The following METTL14 variants were observed in gnomAD, a reference collection of about 807,000 sequenced individuals.
The protein encoded by METTL14 is N(6)-adenosine-methyltransferase non-catalytic subunit METTL14.
Under a neutral mutation model 62.4 loss-of-function variants are expected in METTL14, and 32 were observed. The observed-to-expected ratio is 0.51, with a 90% confidence interval of 0.39 to 0.69. METTL14 has a LOEUF of 0.69. Among genes scored for constraint, METTL14 ranks in the 30% least tolerant of loss-of-function variants. METTL14 has a pLI of 0.00. For synonymous variants in METTL14, 150 were observed against 180.0 expected (o/e 0.83, Z 1.34); for missense variants, 340 against 551.9 (o/e 0.62, Z 3.85).
chr4:118,705,728 G>T lies in METTL14; in HGVS notation c.973G>T (p.Glu325Ter), dbSNP rs771830447. Residue 325 changes from glutamate (E) to a stop codon, truncating the protein, a stop_gained, in exon 10 of 11, where the codon GAA (glutamate) becomes TAA (stop). Transcript: ENST00000388822. LOFTEE classifies it high-confidence loss of function. The stretch of plus-strand genomic sequence containing the variant: ...AGAAGAACCTGAAATTGGCAATATA[G>T]AAAAACCTGTAGAAATTTTTCATAT... ...ITEEPEIGNI[E>*]KPVEIFHIIE... 6.2e-7 allele frequency: 1 copy of T among 1,614,014 alleles called. No homozygotes were observed. Among genetic ancestry groups the T allele is most frequent in the Non-Finnish European group, 8.5e-7 (1 of 1,179,964 alleles).
At position 118,714,222 on chromosome 4, in the gene METTL14, C is replaced by T. The variant is rs1410653552; in HGVS notation, c.*3920C>T. 1 of 152,204 alleles carries T rather than the reference C, an allele frequency of 6.6e-6. No individual in the cohort carries two copies. Among genetic ancestry groups the T allele is most frequent in the African/African-American group, 2.4e-5 (1 of 41,460 alleles). 9.4% of individuals were successfully genotyped at this position (152,204 alleles called of 1,614,324 possible). On this transcript the variant is annotated 3_prime_UTR_variant, in exon 11 of 11. Coordinates refer to ENST00000388822, the MANE Select transcript of METTL14 (RefSeq NM_020961.4). Reference sequence around the variant, plus strand: ...TTAACGACATGGAAATATTTTCACTCATTTACTTTCATCCATCTATCTGTG... The same window carrying T: ...TTAACGACATGGAAATATTTTCACTTATTTACTTTCATCCATCTATCTGTG...
intron 8 of METTL14, among the ~76,000 whole-genome samples, chr4:118,702,941 A>ATTATTATTT (rs1724643606): frequency 9.6e-6 from 1 of 103,792 alleles, no homozygotes; most frequent in Non-Finnish European, 2.3e-5. Flanking sequence ...GGAAGGTTTT[A>ATTATTATTT]TTATTATTAT....
chr4:118,694,187 AAT>A (rs1425091781), intron 5 of METTL14, among the ~76,000 whole-genome samples: 1 of 151,778 alleles, frequency 6.6e-6, no homozygotes, highest in Admixed American at 6.6e-5. Flanking sequence ...TAACTTAATA[AAT>A]ATGTGATATT....
chr4:118,705,506 TC>T, intron 9 of METTL14, 104 bp from the exon 10 acceptor site: 1 of 927,476 alleles, frequency 1.1e-6, no homozygotes, highest in Non-Finnish European at 1.7e-6. Context: ...TCCCAAAGAT[TC>T]CGAGAAATGA....
chr4:118,696,190 T>C (rs1421625381), intron 6 of METTL14, among the ~76,000 whole-genome samples: 2 of 150,114 alleles, frequency 1.3e-5, no homozygotes, highest in Non-Finnish European at 3.0e-5. Flanking sequence ...TGTTTTAGTA[T>C]GTGGAGAGGA....
intron 1 of METTL14, among the ~76,000 whole-genome samples, chr4:118,685,885 C>T (rs530486891): frequency 3.3e-5 from 5 of 152,208 alleles, no homozygotes; most frequent in Non-Finnish European, 7.4e-5. Flanking sequence ...ATGTTCACGC[C>T]AGGATGAGTG....
At chr4:118,705,867 C>G (rs1376682332) in intron 10 of METTL14, 46 bp downstream of exon 10, 1 of 1,421,774 alleles carries the variant, frequency 7.0e-7, no homozygotes, top group Non-Finnish European at 9.9e-7. Flanking sequence ...TTGGGTTATG[C>G]ATGTCAAGAA....
At chr4:118,697,917 G>A (rs1159405301) in intron 7 of METTL14, among the ~76,000 whole-genome samples, 3 of 151,846 alleles carry the variant, frequency 2.0e-5, no homozygotes, top group Admixed American at 6.6e-5. Context: ...GATGTGGGAC[G>A]GCGGTTACAA....
rs1306438772 is a variant in METTL14 at position 118,711,564 on chromosome 4, C to T, written c.*1262C>T. The stretch of plus-strand genomic sequence containing the variant: ...GATGGATTTTAATGGCCGTTCTGTG[C>T]TCATATATACCTAAGATGAGATTAT... On this transcript the variant is annotated 3_prime_UTR_variant, in exon 11 of 11. Transcript: ENST00000388822. The T allele has an allele frequency of 6.6e-6, 1 of 152,130 alleles. No individual in the cohort carries two copies. Among genetic ancestry groups the T allele is most frequent in the Non-Finnish European group, 1.5e-5 (1 of 68,034 alleles). The allele number at this position is 152,130 out of a possible 1,614,324, so 9.4% of individuals were successfully genotyped here.
Position 118,710,545 on chromosome 4 carries a change from A to T in METTL14, c.*243A>T, listed in dbSNP as rs1724890548. 1 of 394,980 alleles carries T rather than the reference A, an allele frequency of 2.5e-6. No homozygotes were observed. Among genetic ancestry groups the T allele is most frequent in the Admixed American group, 4.2e-5 (1 of 24,024 alleles). 24.5% of individuals were successfully genotyped at this position (394,980 alleles called of 1,614,324 possible). A position where few individuals can be genotyped will look rare whatever the true frequency, so the allele number is the denominator to read the frequency against. On this transcript the variant is annotated 3_prime_UTR_variant, in exon 11 of 11. Transcript: ENST00000388822. The stretch of plus-strand genomic sequence containing the variant: ...GTGAACAGAATGGAACAACTCAAGT[A>T]GCTTCATCTTCAGAGACTGAATTTA...
In METTL14 at chr4:118,687,911, G is replaced by C. The variant is rs762428449; in HGVS notation, c.67-12G>C. ...GCATTGCAATCTAATTTCTGATTTT[G>C]TCTTTTCTCAGTTGGGAGCTGAAAG... On this transcript the variant is annotated splice_polypyrimidine_tract_variant and intron_variant, in intron 1 of 10. Transcript: ENST00000388822. 1 of 1,611,748 alleles carries C rather than the reference G, an allele frequency of 6.2e-7. No homozygotes were observed. Among genetic ancestry groups the C allele is most frequent in the Admixed American group, 1.7e-5 (1 of 59,726 alleles).
intron 9 of METTL14, 102 bp from the exon 10 acceptor site, chr4:118,705,509 G>T: frequency 1.0e-6 from 1 of 954,398 alleles, no homozygotes; most frequent in Non-Finnish European, 1.6e-6. Context: ...CAAAGATTCC[G>T]AGAAATGAGG....
At position 118,686,459 on chromosome 4, in the gene METTL14, A is replaced by G. The variant is rs1344818188; in HGVS notation, c.66+859A>G. On this transcript the variant is annotated intron_variant, in intron 1 of 10. Coordinates refer to ENST00000388822, the MANE Select transcript of METTL14 (RefSeq NM_020961.4). ...ATAGGAGCAATGCTCATAGAGTGTA[A>G]TTAGTCATCTTGCAGTTATTTTTCA... 3 of 397,602 alleles carry G rather than the reference A, an allele frequency of 7.5e-6. No individual in the cohort carries two copies. The East Asian group carries it at 2.2e-4, about 29-fold the overall frequency. 24.6% of individuals were successfully genotyped at this position (397,602 alleles called of 1,614,324 possible).
chr4:118,694,338 T>G, intron 5 of METTL14, 98 bp from the exon 6 acceptor site: 1 of 729,364 alleles, frequency 1.4e-6, no homozygotes, highest in Non-Finnish European at 2.3e-6. Flanking sequence ...AAGTGGCATG[T>G]GTATTATTTT....
At chr4:118,699,565 C>T (rs1478799854) in intron 7 of METTL14, among the ~76,000 whole-genome samples, 1 of 152,028 alleles carries the variant, frequency 6.6e-6, no homozygotes, top group Non-Finnish European at 1.5e-5. Context: ...CATTTTTTAT[C>T]AGTTTGCTCA....
exon 11 of METTL14, chr4:118,715,427 GTAA>G (rs1021611085): frequency 9.9e-5 from 15 of 152,262 alleles, no homozygotes; most frequent in South Asian, 8.3e-4. Flanking sequence ...GATTTTTAAT[GTAA>G]TAATATTGCT....
At chr4:118,709,018 T>C (rs1724843107) in intron 10 of METTL14, among the ~76,000 whole-genome samples, 1 of 152,242 alleles carries the variant, frequency 6.6e-6, no homozygotes, top group East Asian at 1.9e-4. Flanking sequence ...GCAAAATAGC[T>C]GTTTACCTAC....
At chr4:118,694,947 A>G (rs947037937) in intron 6 of METTL14, among the ~76,000 whole-genome samples, 2 of 151,944 alleles carry the variant, frequency 1.3e-5, no homozygotes, top group South Asian at 2.1e-4. Flanking sequence ...GATTACAGGC[A>G]CGCACCACCA....
At chr4:118,699,654 C>A (rs1239603025) in intron 7 of METTL14, among the ~76,000 whole-genome samples, 1 of 151,996 alleles carries the variant, frequency 6.6e-6, no homozygotes, top group Non-Finnish European at 1.5e-5. Flanking sequence ...CTAGCCAATC[C>A]GTGAGGTTTC....
Sources: gnomAD v4.1 joint callset for allele counts (sites outside exome capture counted in the v4.1 genomes callset) on GRCh38, gnomAD v4.1.1 for gene constraint, MANE v1.5 for transcripts, NCBI Gene and HGNC (gene_info 2026-07-23, HGNC 2026-07-21) for gene names.